Variants in GABRG2 observed in about 807,000 individuals in gnomAD.
GABRG2 encodes the protein gamma-aminobutyric acid type A receptor subunit gamma2.
In GABRG2, 16 loss-of-function variants were observed where a neutral mutation model predicts 56.4. That is an observed-to-expected ratio of 0.28 (90% CI 0.19 to 0.43). The LOEUF (loss-of-function observed/expected upper bound fraction) is 0.43. GABRG2 is among the 20% of genes least tolerant of loss of function. The pLI is 1.00. For synonymous variants in GABRG2, 208 were observed against 205.5 expected (o/e 1.01, Z -0.10); for missense variants, 327 against 582.7 (o/e 0.56, Z 4.52).
At chr5:162,072,509 A>G (rs542024231) in intron 1 of GABRG2, among the ~76,000 whole-genome samples, 70 of 152,214 alleles carry the variant, frequency 4.6e-4, no homozygotes, top group South Asian at 1.4e-3. Context: ...TTCAATTGAG[A>G]TGAATATTCC....
At chr5:162,149,084 C>A (rs1240050072) in intron 7 of GABRG2, 24 bp from the exon 8 acceptor site, 1 of 1,610,194 alleles carries the variant, frequency 6.2e-7, no homozygotes, top group Non-Finnish European at 8.5e-7. Context: ...ATCACATGAC[C>A]TGTATTATTA....
upstream of GABRG2, chr5:162,067,466 C>T (rs541931151): frequency 4.8e-6 from 2 of 415,026 alleles, no homozygotes; most frequent in South Asian, 1.0e-4. Context: ...GCGTGCATCA[C>T]TTCCACTTTG....
intron 7 of GABRG2, among the ~76,000 whole-genome samples, chr5:162,148,335 A>G (rs1161655111): frequency 6.6e-6 from 1 of 152,208 alleles, no homozygotes; most frequent in Non-Finnish European, 1.5e-5. Context: ...CAAAGAAACA[A>G]TGTATATGAA....
chr5:162,087,036 A>G (rs1434655395), intron 1 of GABRG2, among the ~76,000 whole-genome samples: 1 of 152,082 alleles, frequency 6.6e-6, no homozygotes, highest in African/African-American at 2.4e-5. Context: ...TCCCTCCAGC[A>G]GTATAGAGTC....
chr5:162,086,314 G>A (rs536736882), intron 1 of GABRG2, among the ~76,000 whole-genome samples: 1 of 152,134 alleles, frequency 6.6e-6, no homozygotes, highest in East Asian at 1.9e-4. Flanking sequence ...TTCATCGGGT[G>A]TCTTGCCAAA....
chr5:162,151,400 T>C, intron 8 of GABRG2: 1 of 243,622 alleles, frequency 4.1e-6, no homozygotes, highest in East Asian at 9.8e-5. Flanking sequence ...TGATGATAAT[T>C]AGAAAATAGA....
At chr5:162,148,336 T>G (rs538721597) in intron 7 of GABRG2, among the ~76,000 whole-genome samples, 1 of 152,284 alleles carries the variant, frequency 6.6e-6, no homozygotes, top group South Asian at 2.1e-4. Context: ...AAAGAAACAA[T>G]GTATATGAAG....
In GABRG2 at chr5:162,109,594, G is replaced by A. The variant is rs79666812; in HGVS notation, c.769+5568G>A. On this transcript the variant is annotated intron_variant, in intron 6 of 9. Transcript: ENST00000639213. ...ATAGTCATAATGGACTATTAACCTG[G>A]TGGCTGACTTAAAGGTGATTATAGA... Among the ~76,000 whole-genome samples, 1,217 of 151,460 alleles carry A rather than the reference G, an allele frequency of 8.0e-3. 31 individuals are homozygous for A. Among genetic ancestry groups the A allele is most frequent in the East Asian group, 0.074 (381 of 5,120 alleles).
intron 2 of GABRG2, 62 bp downstream of exon 2, chr5:162,094,041 A>T: frequency 6.6e-7 from 1 of 1,523,444 alleles, no homozygotes; most frequent in Admixed American, 1.7e-5. Flanking sequence ...CTACTTTAAT[A>T]GATAAAACAT....
rs185819851 is a variant in GABRG2 at position 162,095,171 on chromosome 5, G to A, written c.260-324G>A. ...CAATTTCAGAGCTTGAAGGAAACAT[G>A]GTAAAATTCAAGATATCTGAGAGAA... On this transcript the variant is annotated intron_variant, in intron 2 of 9. Coordinates refer to ENST00000639213, the MANE Select transcript of GABRG2 (RefSeq NM_198904.4). Among the ~76,000 whole-genome samples the A allele has an allele frequency of 5.9e-5, 9 of 152,126 alleles. No homozygotes were observed. In the East Asian group the frequency reaches 1.5e-3, roughly 26 times the overall value.
intron 1 of GABRG2, among the ~76,000 whole-genome samples, chr5:162,083,057 C>G (rs1759789312): frequency 6.6e-6 from 1 of 151,588 alleles, no homozygotes; most frequent in South Asian, 2.1e-4. Flanking sequence ...AGAAAAATTT[C>G]CAGAATTATG....
At chr5:162,098,055 A>G (rs1366882667) in intron 4 of GABRG2, 197 bp downstream of exon 4, 1 of 594,436 alleles carries the variant, frequency 1.7e-6, no homozygotes, top group African/African-American at 1.9e-5. Context: ...TTTTCAAAGC[A>G]CTAATTATAG....
intron 6 of GABRG2, among the ~76,000 whole-genome samples, chr5:162,106,001 A>G (rs1761800215): frequency 6.6e-6 from 1 of 152,072 alleles, no homozygotes; most frequent in South Asian, 2.1e-4. Flanking sequence ...TTTTGAGCCC[A>G]AGAGTGGTAT....
rs1312081444 is a variant in GABRG2, at chr5:162,153,110, C to A, written c.1170C>A (p.Ile390=). Residue 390 remains isoleucine (I), a synonymous_variant, in exon 10 of 10, where the codon ATC becomes ATA. Transcript: ENST00000639213. ...CGTCCCAGGCCCCTACCATTGATAT[C>A]CGCCCAAGATCAGCAACCATTCAAA... ...MFSFKAPTID[I]RPRSATIQMN... 2 of 1,614,044 alleles carry A rather than the reference C, an allele frequency of 1.2e-6. No individual in the cohort carries two copies. Among genetic ancestry groups the A allele is most frequent in the Admixed American group, 3.3e-5 (2 of 59,998 alleles).
chr5:162,094,136 G>A, intron 2 of GABRG2, 157 bp downstream of exon 2: 1 of 736,830 alleles, frequency 1.4e-6, no homozygotes, highest in Non-Finnish European at 2.3e-6. Flanking sequence ...TCAGGCCTAT[G>A]AGTGGGAGAG....
At position 162,143,123 on chromosome 5, in the gene GABRG2, G is replaced by A. The variant is rs148770944; in HGVS notation, c.922+807G>A. Among the ~76,000 whole-genome samples the A allele has an allele frequency of 3.9e-5, 6 of 152,130 alleles. No homozygotes were observed. In the East Asian group the frequency reaches 5.8e-4, roughly 15 times the overall value. On this transcript the variant is annotated intron_variant, in intron 7 of 9. Transcript: ENST00000639213. ...TTTATCTCTTCCCAACTTGGTATTC[G>A]GTGATGCCACATTGTTAATGTGAAA...
At chr5:162,068,864 G>T (rs1221460351) in intron 1 of GABRG2, among the ~76,000 whole-genome samples, 1 of 152,064 alleles carries the variant, frequency 6.6e-6, no homozygotes, top group Non-Finnish European at 1.5e-5. Flanking sequence ...TATGGGAAGG[G>T]GACTATTGGG....
intron 7 of GABRG2, among the ~76,000 whole-genome samples, chr5:162,144,267 G>C (rs1446957291): frequency 2.0e-5 from 3 of 152,136 alleles, no homozygotes; most frequent in Non-Finnish European, 2.9e-5. Context: ...CAAATACATT[G>C]ATGTATTCTA....
At chr5:162,118,070 T>A (rs981672728) in intron 6 of GABRG2, among the ~76,000 whole-genome samples, 1 of 151,938 alleles carries the variant, frequency 6.6e-6, no homozygotes, top group African/African-American at 2.4e-5. Context: ...TTTTGTTGAG[T>A]CTTATTTGTA....
Sources: gnomAD v4.1 joint callset for allele counts (sites outside exome capture counted in the v4.1 genomes callset) on GRCh38, gnomAD v4.1.1 for gene constraint, MANE v1.5 for transcripts, NCBI Gene and HGNC (gene_info 2026-07-23, HGNC 2026-07-21) for gene names.